Variants in NXPH2 observed in about 807,000 individuals in gnomAD.
NXPH2 encodes the protein neurexophilin 2.
NXPH2 carries 5 observed loss-of-function variants against 19.8 expected under a neutral mutation model. The observed-to-expected ratio is 0.25, with a 90% CI of 0.13 to 0.53. The LOEUF (loss-of-function observed/expected upper bound fraction) is 0.53, where lower values mean the gene tolerates loss of function less well. Among genes scored for constraint, NXPH2 ranks in the 20% least tolerant of loss-of-function variants. NXPH2 has a pLI of 0.96. For missense variants in NXPH2, 289 were observed against 322.8 expected (o/e 0.90, Z 0.80); for synonymous variants, 154 against 127.4 (o/e 1.21, Z -1.41).
intron 1 of NXPH2, among the ~76,000 whole-genome samples, chr2:138,684,163 G>A (rs549336373): frequency 6.6e-6 from 1 of 152,158 alleles, no homozygotes; most frequent in African/African-American, 2.4e-5. Flanking sequence ...TGTAGGGCAG[G>A]AAATAGCCTT....
intron 1 of NXPH2, among the ~76,000 whole-genome samples, chr2:138,778,170 A>T (rs1682295139): frequency 6.6e-6 from 1 of 152,196 alleles, no homozygotes; most frequent in Non-Finnish European, 1.5e-5. Context: ...AGCTCTAAGA[A>T]TGTGGAGAAT....
chr2:138,732,028 T>A (rs1007500074), intron 1 of NXPH2, among the ~76,000 whole-genome samples: 4 of 152,136 alleles, frequency 2.6e-5, no homozygotes, highest in African/African-American at 9.7e-5. Flanking sequence ...TATGGATAAG[T>A]GGATTAAGAG....
intron 1 of NXPH2, among the ~76,000 whole-genome samples, chr2:138,730,693 G>T (rs773332976): frequency 6.6e-6 from 1 of 152,172 alleles, no homozygotes; most frequent in Non-Finnish European, 1.5e-5. Flanking sequence ...AACTCTAGAT[G>T]ATTTCAGTCC....
intron 1 of NXPH2, among the ~76,000 whole-genome samples, chr2:138,722,624 G>A (rs1268519610): frequency 6.6e-6 from 1 of 152,170 alleles, no homozygotes; most frequent in Non-Finnish European, 1.5e-5. Flanking sequence ...AATAGTTAAG[G>A]AATTCCTGCA....
Position 138,671,017 on chromosome 2 carries a change from A to G in NXPH2, c.700T>C (p.Tyr234His), listed in dbSNP as rs1024815110. ...CSKPFKVICIYIAFYSVDYKL... is the reference protein window; with the variant it reads ...CSKPFKVICIHIAFYSVDYKL... ...TAATCAACACTGTAAAAGGCAATGT[A>G]AATGCAAATGACCTTGAAGGGCTTG... Residue 234 changes from tyrosine to histidine, a missense_variant, in exon 2 of 2, where the codon TAC (tyrosine) becomes CAC (histidine). Coordinates refer to ENST00000272641, the MANE Select transcript of NXPH2 (RefSeq NM_007226.3). 2 of 1,614,020 alleles carry G rather than the reference A, an allele frequency of 1.2e-6. No individual in the cohort carries two copies. Among genetic ancestry groups the G allele is most frequent in the Non-Finnish European group, 1.7e-6 (2 of 1,179,882 alleles).
intron 1 of NXPH2, among the ~76,000 whole-genome samples, chr2:138,734,250 A>C (rs1412925335): frequency 6.6e-6 from 1 of 152,228 alleles, no homozygotes. Flanking sequence ...GTCACAAAAA[A>C]GAAGAATGAG....
chr2:138,719,010 C>T (rs1346748686), intron 1 of NXPH2, among the ~76,000 whole-genome samples: 1 of 151,938 alleles, frequency 6.6e-6, no homozygotes, highest in East Asian at 1.9e-4. Context: ...TAATGATAAC[C>T]CTAGAAAAAT....
chr2:138,696,377 T>A (rs190411962), intron 1 of NXPH2, among the ~76,000 whole-genome samples: 12 of 152,306 alleles, frequency 7.9e-5, no homozygotes, highest in African/African-American at 2.6e-4. Flanking sequence ...AATAAAGAAC[T>A]CATCCAACTT....
At chr2:138,692,007 C>T (rs1680753639) in intron 1 of NXPH2, among the ~76,000 whole-genome samples, 1 of 152,106 alleles carries the variant, frequency 6.6e-6, no homozygotes, top group South Asian at 2.1e-4. Flanking sequence ...GTGTGTGTAA[C>T]TCTATGAAGT....
chr2:138,690,200 C>T (rs1680726742), intron 1 of NXPH2, among the ~76,000 whole-genome samples: 1 of 152,166 alleles, frequency 6.6e-6, no homozygotes, highest in Admixed American at 6.5e-5. Context: ...TCAAGTTCTT[C>T]TTGATACCTC....
rs993204317 is a variant in NXPH2, at chr2:138,669,867, T to C, written c.*1055A>G. 5.9e-5 allele frequency among the ~76,000 whole-genome samples: 9 copies of C among 152,236 alleles called. No homozygotes were observed. The highest frequency in any genetic ancestry group is 5.9e-4 in the Admixed American group (9 of 15,288). On this transcript the variant is annotated 3_prime_UTR_variant, in exon 2 of 2. Coordinates refer to ENST00000272641, the MANE Select transcript of NXPH2 (RefSeq NM_007226.3). ...TGTCAGCACTTAATAATTAGAAATG[T>C]TTAAATATAACTCTCTATTTCCACA...
intron 1 of NXPH2, among the ~76,000 whole-genome samples, chr2:138,727,128 A>G (rs1465130476): frequency 6.6e-6 from 1 of 152,204 alleles, no homozygotes; most frequent in Non-Finnish European, 1.5e-5. Flanking sequence ...TTTTTAAAGT[A>G]CTGAATAATA....
intron 1 of NXPH2, among the ~76,000 whole-genome samples, chr2:138,682,328 ATGCATC>A (rs1680591042): frequency 6.6e-6 from 1 of 152,206 alleles, no homozygotes; most frequent in Non-Finnish European, 1.5e-5. Context: ...AAACAGGAAC[ATGCATC>A]TGCCGGACAG....
intron 1 of NXPH2, among the ~76,000 whole-genome samples, chr2:138,733,113 G>A (rs1681477059): frequency 6.6e-6 from 1 of 152,118 alleles, no homozygotes; most frequent in Admixed American, 6.6e-5. Flanking sequence ...AGCAATTTGT[G>A]TTGTATGGTT....
At chr2:138,738,147 A>T (rs1440470056) in intron 1 of NXPH2, among the ~76,000 whole-genome samples, 1 of 147,152 alleles carries the variant, frequency 6.8e-6, no homozygotes, top group Non-Finnish European at 1.5e-5. Context: ...ATTCCCACCT[A>T]TGAACACCTT....
chr2:138,780,115 A>T, intron 1 of NXPH2, 76 bp downstream of exon 1: 1 of 1,399,000 alleles, frequency 7.1e-7, no homozygotes, highest in Non-Finnish European at 9.4e-7. Flanking sequence ...GCTGGGCTCC[A>T]AGTCAGCCGC....
At chr2:138,761,997 T>A (rs937197644) in intron 1 of NXPH2, among the ~76,000 whole-genome samples, 3 of 152,254 alleles carry the variant, frequency 2.0e-5, no homozygotes, top group African/African-American at 7.2e-5. Flanking sequence ...GAAACTTAGA[T>A]AAGTTTGTGG....
At chr2:138,779,387 T>C (rs570175634) in intron 1 of NXPH2, among the ~76,000 whole-genome samples, 34 of 152,262 alleles carry the variant, frequency 2.2e-4, no homozygotes, top group African/African-American at 7.7e-4. Context: ...CATAGGCGTA[T>C]ATCAGGAGGA....
intron 1 of NXPH2, among the ~76,000 whole-genome samples, chr2:138,775,533 G>T (rs926440638): frequency 6.6e-6 from 1 of 151,978 alleles, no homozygotes; most frequent in Admixed American, 6.6e-5. Context: ...CCTGATTTTG[G>T]CATAATTAAA....
Sources: allele counts gnomAD v4.1 joint callset (sites outside exome capture counted in the v4.1 genomes callset), GRCh38; gene constraint gnomAD v4.1.1; transcripts MANE v1.5; gene names NCBI Gene and HGNC (gene_info 2026-07-23, HGNC 2026-07-21).